Variants in NDRG2 observed in about 807,000 individuals in gnomAD.
The protein encoded by NDRG2 is protein NDRG2.
Under a neutral mutation model 58.2 loss-of-function variants are expected in NDRG2, and 34 were observed. The observed-to-expected ratio is 0.58, with a 90% CI of 0.44 to 0.78. The LOEUF (loss-of-function observed/expected upper bound fraction) is 0.78. Among genes scored for constraint, NDRG2 ranks in the 30% least tolerant of loss-of-function variants. NDRG2 has a pLI of 0.00. For synonymous variants in NDRG2, 187 were observed against 175.9 expected (o/e 1.06, Z -0.50); for missense variants, 434 against 471.2 (o/e 0.92, Z 0.73).
intron 1 of NDRG2, chr14:21,031,840 A>G (rs373837864): frequency 8.2e-6 from 13 of 1,580,176 alleles, no homozygotes; most frequent in Non-Finnish European, 9.5e-6. Flanking sequence ...TGGGGAAGGG[A>G]TATGACAGCG....
At chr14:21,044,922 A>C (rs143096730) in intron 1 of NDRG2, among the ~76,000 whole-genome samples, 1 of 152,240 alleles carries the variant, frequency 6.6e-6, no homozygotes, top group East Asian at 1.9e-4. Context: ...TCAGGTGTAA[A>C]TCCTGACTCC....
chr14:21,065,173 A>G (rs4982402), intron 1 of NDRG2, among the ~76,000 whole-genome samples: 49,529 of 151,220 alleles, frequency 0.33, 10,058 homozygotes, highest in East Asian at 0.48. Context: ...CCATCTCAAA[A>G]AAAAAAAAAC....
In NDRG2 at chr14:21,017,618, T is replaced by C; in HGVS notation, c.1094A>G (p.His365Arg). 6.2e-7 allele frequency: 1 copy of C among 1,613,768 alleles called. No homozygotes were observed. Among genetic ancestry groups the C allele is most frequent in the Non-Finnish European group, 8.5e-7 (1 of 1,179,890 alleles). The change falls in exon 16 of 16, where the codon CAC becomes CGC. Residue 365 changes from histidine (H) to arginine (R), a missense_variant. Coordinates refer to ENST00000556147, the MANE Select transcript of NDRG2 (RefSeq NM_001320329.2). ...SGTLSSGPPG[H>R]TMEVSC ...CATTCAACAGGAGACCTCCATGGTG[T>C]GCCCCGGGGGCCCCGAAGAAAGAGT... is the stretch of plus-strand genomic sequence containing the variant.
At chr14:21,051,611 T>C (rs564771266) in intron 1 of NDRG2, among the ~76,000 whole-genome samples, 104 of 152,096 alleles carry the variant, frequency 6.8e-4, no homozygotes, top group Non-Finnish European at 1.0e-3. Context: ...ATGGGCACCA[T>C]AGGAAGGCCT....
chr14:21,016,981 G>A lies in NDRG2; in HGVS notation c.*615C>T. On this transcript the variant is annotated 3_prime_UTR_variant, in exon 16 of 16. Coordinates refer to ENST00000556147, the MANE Select transcript of NDRG2 (RefSeq NM_001320329.2). ...AAGTTAGTGCAGCCAAACGGCCCCA[G>A]GCCCCTTCCTGTTGCCCCAGCACCA... The A allele has an allele frequency of 2.2e-6, 1 of 456,538 alleles. No homozygotes were observed. The highest frequency in any genetic ancestry group is 1.5e-5 in the South Asian group (1 of 64,562). The allele number at this position is 456,538 out of a possible 1,614,324, so 28.3% of individuals were successfully genotyped here.
chr14:21,051,620 CT>C (rs746969908), intron 1 of NDRG2, among the ~76,000 whole-genome samples: 12 of 152,150 alleles, frequency 7.9e-5, no homozygotes, highest in Non-Finnish European at 1.5e-4. Context: ...ATAGGAAGGC[CT>C]CAAAGAACTA....
intron 1 of NDRG2, chr14:21,033,712 C>T: frequency 1.2e-6 from 1 of 835,662 alleles, no homozygotes; most frequent in Middle Eastern, 2.2e-4. Context: ...GGGAGGGGAC[C>T]CTGCCTGCCT....
At chr14:21,034,188 G>A (rs776919127) in intron 1 of NDRG2, 9 of 1,614,052 alleles carry the variant, frequency 5.6e-6, no homozygotes, top group Non-Finnish European at 7.6e-6. Context: ...AATGCTTAAG[G>A]TATAGAAGTT....
intron 1 of NDRG2, among the ~76,000 whole-genome samples, chr14:21,066,721 G>T (rs1357929862): frequency 3.3e-5 from 5 of 152,196 alleles, no homozygotes; most frequent in Admixed American, 6.5e-5. Flanking sequence ...AGACAAGTGG[G>T]GAAACTAATG....
rs1884124556 is a variant in NDRG2 at position 21,031,405 on chromosome 14, C to A, written c.25-8084G>T. ...AATTTCCAAGTGTCTAGTATCTGAG[C>A]CAGGCAATTAGGGCTTGGTAGCTTT... On this transcript the variant is annotated intron_variant, in intron 1 of 14. Transcript: ENST00000403829. 5 of 505,894 alleles carry A rather than the reference C, an allele frequency of 9.9e-6. No homozygotes were observed. In the South Asian group the frequency reaches 2.4e-4, roughly 24 times the overall value. The allele number at this position is 505,894 out of a possible 1,614,324, so 31.3% of individuals were successfully genotyped here.
At position 21,070,264 on chromosome 14, in the gene NDRG2, C is replaced by A. The variant is rs1169155214; in HGVS notation, c.24+564G>T. 2.1e-5 allele frequency: 21 copies of A among 982,516 alleles called. No individual in the cohort carries two copies. Among genetic ancestry groups the A allele is most frequent in the Non-Finnish European group, 2.6e-5 (20 of 774,566 alleles). The allele number at this position is 982,516 out of a possible 1,614,324, so 60.9% of individuals were successfully genotyped here. On this transcript the variant is annotated intron_variant, in intron 1 of 14. Transcript: ENST00000403829. The surrounding 1 kb of genome is among the most constrained non-coding windows in gnomAD (Gnocchi z 4.7). ...GGGCCCCGCGGCCTGGAAGCCGGAG[C>A]GGGCCGAGCCGCCACCGCGGCCGGA...
chr14:21,043,508 C>G, intron 1 of NDRG2: 1 of 1,315,648 alleles, frequency 7.6e-7, no homozygotes. Flanking sequence ...AATTCCCTCT[C>G]CAGGACTCCG....
chr14:21,050,733 T>C (rs1885424048), intron 1 of NDRG2, among the ~76,000 whole-genome samples: 1 of 152,244 alleles, frequency 6.6e-6, no homozygotes, highest in African/African-American at 2.4e-5. Context: ...AATGGATCAA[T>C]GTCAATTTCC....
intron 1 of NDRG2, among the ~76,000 whole-genome samples, chr14:21,045,399 T>C (rs1594500374): frequency 6.6e-6 from 1 of 152,238 alleles, no homozygotes; most frequent in South Asian, 2.1e-4. Context: ...AACAGAACAT[T>C]GCCATCATCG....
intron 10 of NDRG2, 71 bp from the exon 11 acceptor site, chr14:21,019,231 C>A: frequency 7.5e-7 from 1 of 1,341,916 alleles, no homozygotes. Context: ...GCTATCTCTC[C>A]CATGATGGAA....
chr14:21,043,590 G>A, intron 1 of NDRG2: 1 of 694,056 alleles, frequency 1.4e-6, no homozygotes, highest in South Asian at 1.9e-5. Flanking sequence ...AGCCTCTGCT[G>A]GGAGGCTGAA....
In NDRG2 at chr14:21,024,093, G is replaced by C. The variant is rs1382465338; in HGVS notation, c.-70C>G. 1.0e-6 allele frequency: 1 copy of C among 985,348 alleles called. No individual in the cohort carries two copies. Among genetic ancestry groups the C allele is most frequent in the Non-Finnish European group, 1.2e-6 (1 of 829,974 alleles). 61.0% of individuals were successfully genotyped at this position (985,348 alleles called of 1,614,324 possible). A position where few individuals can be genotyped will look rare whatever the true frequency, so the allele number is the denominator to read the frequency against. On this transcript the variant is annotated 5_prime_UTR_variant, in exon 1 of 16. Coordinates refer to ENST00000556147, the MANE Select transcript of NDRG2 (RefSeq NM_001320329.2). ...AGGGTTCTCACTCCTTCTGACTCTG[G>C]GGTCTGAGAAAACACAGCAACGAGG...
chr14:21,032,409 C>T (rs1249771954), intron 1 of NDRG2: 1 of 447,254 alleles, frequency 2.2e-6, no homozygotes, highest in Non-Finnish European at 4.4e-6. Flanking sequence ...TGTGTTCACA[C>T]ATTACTGATA....
chr14:21,051,660 A>C (rs1195876358), intron 1 of NDRG2, among the ~76,000 whole-genome samples: 1 of 152,216 alleles, frequency 6.6e-6, no homozygotes, highest in South Asian at 2.1e-4. Flanking sequence ...ACCTGGCAGG[A>C]GACAGGGTTA....
Sources: allele counts gnomAD v4.1 joint callset (sites outside exome capture counted in the v4.1 genomes callset), GRCh38; gene constraint gnomAD v4.1.1; non-coding constraint Gnocchi (gnomAD v3.1); transcripts MANE v1.5; gene names NCBI Gene and HGNC (gene_info 2026-07-23, HGNC 2026-07-21).